Variants in HNRNPF observed in about 807,000 individuals in gnomAD.
HNRNPF encodes heterogeneous nuclear ribonucleoprotein F.
In HNRNPF, 2 loss-of-function variants were observed where a neutral mutation model predicts 26.0. The observed-to-expected ratio is 0.08, with a 90% CI of 0.03 to 0.24. The LOEUF is 0.24. Ranked by LOEUF, HNRNPF falls within the 10% of genes least tolerant of loss-of-function variation. HNRNPF has a pLI of 1.00. For missense variants in HNRNPF, 299 were observed against 539.2 expected, an observed-to-expected ratio of 0.55 and a Z score of 4.41; for synonymous variants, 234 against 211.5, an observed-to-expected ratio of 1.11 and a Z score of -0.92.
At chr10:43,406,199 C>A (rs1838912966) in intron 1 of HNRNPF, among the ~76,000 whole-genome samples, 1 of 152,152 alleles carries the variant, frequency 6.6e-6, no homozygotes. Flanking sequence ...GAAGTCACCT[C>A]CAAGGAAAGG....
intron 1 of HNRNPF, among the ~76,000 whole-genome samples, chr10:43,404,215 C>T (rs1363257121): frequency 2.0e-5 from 3 of 149,072 alleles, no homozygotes; most frequent in Non-Finnish European, 3.0e-5. Flanking sequence ...GCCTGAGAAT[C>T]GCCTGAACCC....
In HNRNPF at chr10:43,385,809, T is replaced by C. The variant is rs777327422; in HGVS notation, c.*828A>G. The C allele has an allele frequency of 6.6e-6, 1 of 152,342 alleles. No homozygotes were observed. Among genetic ancestry groups the C allele is most frequent in the Non-Finnish European group, 1.5e-5 (1 of 68,046 alleles). 9.4% of individuals were successfully genotyped at this position (152,342 alleles called of 1,614,324 possible). Reference sequence around the variant, plus strand: ...CTGGGGCCGTGTGTCTATTTGATGCTTCCCAGAATGTGTGCTGCTAGTCAC... The same window carrying C: ...CTGGGGCCGTGTGTCTATTTGATGCCTCCCAGAATGTGTGCTGCTAGTCAC... On this transcript the variant is annotated 3_prime_UTR_variant, in exon 4 of 4. Coordinates refer to ENST00000682386, the MANE Select transcript of HNRNPF (RefSeq NM_001098204.2).
intron 3 of HNRNPF, among the ~76,000 whole-genome samples, chr10:43,389,279 G>A (rs1022771094): frequency 6.6e-6 from 1 of 152,042 alleles, no homozygotes; most frequent in Non-Finnish European, 1.5e-5. Flanking sequence ...GCTGGAAATC[G>A]AATGTTTCAA....
At chr10:43,400,328 G>A (rs574198035) in intron 1 of HNRNPF, among the ~76,000 whole-genome samples, 3 of 152,222 alleles carry the variant, frequency 2.0e-5, no homozygotes, top group South Asian at 4.1e-4. Flanking sequence ...GATACATTTT[G>A]GTGCTGGATG....
At chr10:43,399,090 T>G (rs1185858764) in intron 1 of HNRNPF, among the ~76,000 whole-genome samples, 1 of 152,156 alleles carries the variant, frequency 6.6e-6, no homozygotes, top group Non-Finnish European at 1.5e-5. Context: ...GTCCACAAAG[T>G]AGTAGGTGGG....
At chr10:43,400,503 A>G (rs1453684574) in intron 1 of HNRNPF, among the ~76,000 whole-genome samples, 1 of 152,200 alleles carries the variant, frequency 6.6e-6, no homozygotes, top group Non-Finnish European at 1.5e-5. Context: ...ATCATAGACC[A>G]TATTTGTTAT....
intron 1 of HNRNPF, among the ~76,000 whole-genome samples, chr10:43,402,561 G>A (rs1838786884): frequency 6.6e-6 from 1 of 152,102 alleles, no homozygotes; most frequent in Admixed American, 6.6e-5. Flanking sequence ...TACTTTGCAT[G>A]GCAGCCCTAG....
intron 1 of HNRNPF, chr10:43,397,296 G>A (rs1838582305): frequency 6.6e-6 from 1 of 152,302 alleles, no homozygotes; most frequent in African/African-American, 2.4e-5. Context: ...GGGTGCAGAG[G>A]AGGAAGTGCC....
chr10:43,407,348 C>G (rs1210761712), intron 1 of HNRNPF, among the ~76,000 whole-genome samples: 3 of 152,086 alleles, frequency 2.0e-5, no homozygotes, highest in African/African-American at 4.8e-5. Flanking sequence ...TAAAGAGGCG[C>G]GTCAGCTCGT....
intron 1 of HNRNPF, 126 bp downstream of exon 1, chr10:43,409,005 C>G (rs1253564001): frequency 2.6e-5 from 4 of 152,452 alleles, no homozygotes; most frequent in Middle Eastern, 3.4e-3. Flanking sequence ...CAGGCCCCGA[C>G]TAGGCCCTAC....
intron 3 of HNRNPF, among the ~76,000 whole-genome samples, chr10:43,389,474 C>T (rs1373544863): frequency 1.3e-5 from 2 of 152,176 alleles, no homozygotes; most frequent in African/African-American, 4.8e-5. Flanking sequence ...CTCAACTGCA[C>T]TAGCTTCAGG....
intron 1 of HNRNPF, among the ~76,000 whole-genome samples, chr10:43,402,902 T>G (rs1170970193): frequency 2.0e-5 from 3 of 152,092 alleles, no homozygotes; most frequent in Non-Finnish European, 4.4e-5. Context: ...GGCTTTTTTT[T>G]TTTAAACGGG....
intron 1 of HNRNPF, among the ~76,000 whole-genome samples, chr10:43,400,400 GCTT>G (rs1309697512): frequency 6.6e-6 from 1 of 152,140 alleles, no homozygotes; most frequent in Non-Finnish European, 1.5e-5. Context: ...TTAGGACACA[GCTT>G]CTGCTGCTCG....
chr10:43,392,980 A>G (rs959128141), intron 3 of HNRNPF, among the ~76,000 whole-genome samples: 4 of 152,206 alleles, frequency 2.6e-5, no homozygotes, highest in African/African-American at 7.2e-5. Flanking sequence ...AGGCTCTAGA[A>G]GGAAACTGGA....
chr10:43,390,889 G>C (rs186612897), intron 3 of HNRNPF, among the ~76,000 whole-genome samples: 1 of 151,984 alleles, frequency 6.6e-6, no homozygotes. Flanking sequence ...CTGCATCCCT[G>C]GTCTCTGCCC....
intron 3 of HNRNPF, among the ~76,000 whole-genome samples, chr10:43,392,408 G>A (rs1017847807): frequency 7.9e-5 from 12 of 152,090 alleles, no homozygotes; most frequent in Admixed American, 2.0e-4. Flanking sequence ...GCGTCGTGGC[G>A]GGCGCCAGTA....
intron 3 of HNRNPF, among the ~76,000 whole-genome samples, chr10:43,393,403 C>A (rs1838331988): frequency 6.6e-6 from 1 of 152,110 alleles, no homozygotes; most frequent in East Asian, 1.9e-4. Flanking sequence ...CAAGACCAGC[C>A]TGACCAACAT....
In HNRNPF at chr10:43,409,136, G is replaced by C. The variant is rs1839024010; in HGVS notation, c.-252C>G. ...GGTGGCCCCCCGAACCCCACCTTGA[G>C]GAAGACGCGGCGCAGTCCTGCTTCC... On this transcript the variant is annotated 5_prime_UTR_variant, in exon 1 of 4. Coordinates refer to ENST00000682386, the MANE Select transcript of HNRNPF (RefSeq NM_001098204.2). 6.6e-6 allele frequency: 1 copy of C among 152,516 alleles called. No homozygotes were observed. Among genetic ancestry groups the C allele is most frequent in the African/African-American group, 2.4e-5 (1 of 41,478 alleles). The allele number at this position is 152,516 out of a possible 1,614,324, so 9.4% of individuals were successfully genotyped here.
In HNRNPF at chr10:43,386,045, G is replaced by A. The variant is rs1564391785; in HGVS notation, c.*592C>T. 6.6e-6 allele frequency: 1 copy of A among 152,354 alleles called. No homozygotes were observed. The highest frequency in any genetic ancestry group is 2.4e-5 in the African/African-American group (1 of 41,358). 9.4% of individuals were successfully genotyped at this position (152,354 alleles called of 1,614,324 possible). On this transcript the variant is annotated 3_prime_UTR_variant, in exon 4 of 4. Coordinates refer to ENST00000682386, the MANE Select transcript of HNRNPF (RefSeq NM_001098204.2). ...CATTGTGAAAAAGTCTTTATTTTAA[G>A]AAAAAAATTTAGTTAACAAAAAATT...
Sources: gnomAD v4.1 joint callset for allele counts (sites outside exome capture counted in the v4.1 genomes callset) on GRCh38, gnomAD v4.1.1 for gene constraint, MANE v1.5 for transcripts, NCBI Gene and HGNC (gene_info 2026-07-23, HGNC 2026-07-21) for gene names.